GTF2A1L: variants seen among roughly 807,000 people sequenced by gnomAD.
The protein encoded by GTF2A1L is general transcription factor IIA subunit 1 like.
A neutral mutation model predicts 49.7 loss-of-function variants in GTF2A1L; 48 were observed. That is an observed-to-expected ratio of 0.97 (90% confidence interval 0.77 to 1.23). The LOEUF (loss-of-function observed/expected upper bound fraction) is 1.23, where lower values mean the gene tolerates loss of function less well. Ranked by LOEUF, GTF2A1L falls within the 50% of genes most tolerant of loss-of-function variation. The pLI is 0.00. For missense variants in GTF2A1L, 736 were observed against 564.8 expected, an observed-to-expected ratio of 1.30 and a Z score of -3.07; for synonymous variants, 246 against 193.5, an observed-to-expected ratio of 1.27 and a Z score of -2.25.
At chr2:48,677,332 G>C (rs781092986) in intron 8 of GTF2A1L, among the ~76,000 whole-genome samples, 1 of 151,878 alleles carries the variant, frequency 6.6e-6, no homozygotes, top group African/African-American at 2.4e-5. Context: ...TAGATGGAGT[G>C]TCTAGGGGGG....
intron 1 of GTF2A1L, among the ~76,000 whole-genome samples, chr2:48,619,913 A>C (rs79960130): frequency 1.3e-5 from 2 of 152,150 alleles, no homozygotes; most frequent in South Asian, 4.1e-4. Context: ...CACACTGTGG[A>C]TGGGTAAGGT....
intron 1 of GTF2A1L, 97 bp from the exon 2 acceptor site, chr2:48,620,754 G>T (rs1675942046): frequency 2.6e-6 from 2 of 761,896 alleles, no homozygotes; most frequent in East Asian, 1.5e-4. Context: ...TCCAGCCTGG[G>T]CAACAGAGCA....
intron 3 of GTF2A1L, among the ~76,000 whole-genome samples, chr2:48,639,915 A>G (rs966805384): frequency 6.6e-6 from 1 of 152,208 alleles, no homozygotes; most frequent in African/African-American, 2.4e-5. Context: ...TCAAAAGAAG[A>G]CATACATGCA....
At chr2:48,667,972 G>A (rs1244679185) in intron 6 of GTF2A1L, among the ~76,000 whole-genome samples, 1 of 152,118 alleles carries the variant, frequency 6.6e-6, no homozygotes, top group African/African-American at 2.4e-5. Context: ...CTTCTGTTAG[G>A]AGCCTTCTTG....
rs368940414 is a variant in GTF2A1L at position 48,646,498 on chromosome 2, C to G, written c.434C>G (p.Ser145Cys). 2.5e-6 allele frequency: 4 copies of G among 1,613,318 alleles called. No homozygotes were observed. The African/African-American group carries it at 5.3e-5, about 22-fold the overall frequency. The change falls in exon 6 of 9, where the codon TCT becomes TGT. Residue 145 changes from serine (S) to cysteine (C), a missense_variant. By Grantham distance (112) the Ser-to-Cys change is moderately radical. Transcript: ENST00000403751. Reference protein sequence around the residue: ...VNVPIMVTETSGRAGILQHPI... With the variant: ...VNVPIMVTETCGRAGILQHPI... The stretch of plus-strand genomic sequence containing the variant: ...GTACCAATTATGGTGACAGAGACTT[C>G]TGGAAGAGCAGGTATTCTTCAGCAT...
At chr2:48,622,924 C>A (rs574965841) in intron 3 of GTF2A1L, among the ~76,000 whole-genome samples, 8 of 53,036 alleles carry the variant, frequency 1.5e-4, no homozygotes, top group Non-Finnish European at 2.4e-4. Flanking sequence ...GGTAATATTA[C>A]CAGTGATTTA....
In GTF2A1L at chr2:48,667,244, T is replaced by A. The variant is rs543575180; in HGVS notation, c.979-2478T>A. On this transcript the variant is annotated intron_variant, in intron 6 of 8. Transcript: ENST00000403751. ...AAAGTGCTGGGATTACAGGCATGAG[T>A]GGCCATGCCCAGCCTCATTAATTTT... is the stretch of plus-strand genomic sequence containing the variant. Among the ~76,000 whole-genome samples, 3 of 152,042 alleles carry A rather than the reference T, an allele frequency of 2.0e-5. No individual in the cohort carries two copies. In the South Asian group the frequency reaches 6.2e-4, roughly 32 times the overall value.
chr2:48,664,715 T>C (rs1270487023), intron 6 of GTF2A1L, among the ~76,000 whole-genome samples: 1 of 152,200 alleles, frequency 6.6e-6, no homozygotes, highest in Non-Finnish European at 1.5e-5. Flanking sequence ...TGTTTCTTCT[T>C]GAGTAAATTT....
chr2:48,634,548 G>A (rs943538995), intron 3 of GTF2A1L, among the ~76,000 whole-genome samples: 2 of 152,264 alleles, frequency 1.3e-5, no homozygotes, highest in East Asian at 1.9e-4. Context: ...TTTTGTTTCC[G>A]TGATTAGAAC....
At chr2:48,673,682 A>G (rs937882520) in intron 8 of GTF2A1L, among the ~76,000 whole-genome samples, 1 of 152,124 alleles carries the variant, frequency 6.6e-6, no homozygotes, top group African/African-American at 2.4e-5. Context: ...TGAAGACCCA[A>G]AGAAACAGGG....
chr2:48,635,879 C>T (rs1676860139), intron 3 of GTF2A1L, among the ~76,000 whole-genome samples: 1 of 152,120 alleles, frequency 6.6e-6, no homozygotes, highest in African/African-American at 2.4e-5. Flanking sequence ...GCGTCTCCAA[C>T]CCTTTCCCCA....
At chr2:48,618,967 G>A (rs899173777) in intron 1 of GTF2A1L, among the ~76,000 whole-genome samples, 2 of 152,094 alleles carry the variant, frequency 1.3e-5, no homozygotes, top group Non-Finnish European at 2.9e-5. Flanking sequence ...GGTGTTAAGC[G>A]TGATCACACT....
chr2:48,638,958 AC>A (rs1212290779), intron 3 of GTF2A1L, among the ~76,000 whole-genome samples: 3 of 151,556 alleles, frequency 2.0e-5, no homozygotes, highest in South Asian at 4.2e-4. Flanking sequence ...AACCAGGATA[AC>A]AAAAAGAATA....
Position 48,621,927 on chromosome 2 carries a change from C to A in GTF2A1L, c.247+637C>A, listed in dbSNP as rs1996969. Among the ~76,000 whole-genome samples, 305 of 152,190 alleles carry A rather than the reference C, an allele frequency of 2.0e-3. 2 individuals are homozygous for A. Among genetic ancestry groups the A allele is most frequent in the Middle Eastern group, 0.014 (4 of 294 alleles). ...AGATAAAACTTAAGAGTTTTCTATC[C>A]TTGTATGCTTGATTCCTTTCTTTTT... On this transcript the variant is annotated intron_variant, in intron 3 of 8. Transcript: ENST00000403751.
chr2:48,617,870 C>A lies in GTF2A1L; in HGVS notation c.-5C>A, dbSNP rs1453650123. 3.2e-6 allele frequency: 5 copies of A among 1,551,720 alleles called. No individual in the cohort carries two copies. In the African/African-American group the frequency reaches 4.1e-5, roughly 13 times the overall value. ...CGCAAAGGGCCAGGTGCTGGAGGTG[C>A]TGTCATGGCCTGCCTCAACCCGGTG... On this transcript the variant is annotated 5_prime_UTR_variant, in exon 1 of 9. The change creates a new upstream start codon in the 5' untranslated region. Transcript: ENST00000403751.
At chr2:48,670,121 G>A (rs998196202) in intron 7 of GTF2A1L, 139 bp downstream of exon 7, 13 of 1,287,944 alleles carry the variant, frequency 1.0e-5, no homozygotes, top group African/African-American at 3.0e-5. Flanking sequence ...GGCCGGGCAC[G>A]GTGGCTCACA....
intron 1 of GTF2A1L, among the ~76,000 whole-genome samples, chr2:48,619,123 T>A (rs896914498): frequency 1.3e-5 from 2 of 152,174 alleles, no homozygotes; most frequent in Admixed American, 1.3e-4. Flanking sequence ...GGCCTATTCG[T>A]ATAGGTTTAC....
At chr2:48,649,669 C>T (rs760434292) in intron 6 of GTF2A1L, among the ~76,000 whole-genome samples, 15 of 152,232 alleles carry the variant, frequency 9.9e-5, no homozygotes, top group Non-Finnish European at 1.9e-4. Flanking sequence ...CATGTTAGCA[C>T]TCTCTTCCTG....
At chr2:48,618,283 T>C (rs939971921) in intron 1 of GTF2A1L, among the ~76,000 whole-genome samples, 20 of 152,214 alleles carry the variant, frequency 1.3e-4, no homozygotes, top group African/African-American at 4.8e-4. Flanking sequence ...ATTTACTGCT[T>C]GAAATAACAA....
Sources: allele counts gnomAD v4.1 joint callset (sites outside exome capture counted in the v4.1 genomes callset), GRCh38; gene constraint gnomAD v4.1.1; transcripts MANE v1.5; gene names NCBI Gene and HGNC (gene_info 2026-07-23, HGNC 2026-07-21).